Variants in SLC35D4 observed in about 807,000 individuals in gnomAD.
The protein encoded by SLC35D4 is UDP-N-acetylglucosamine transporter SLC35D4.
the SLC35D4 span, among the ~76,000 whole-genome samples, chr18:23,260,918 A>G: frequency 3.3e-5 from 5 of 152,142 alleles, no homozygotes; most frequent in Non-Finnish European, 4.4e-5. Context: ...AAGAAGAAAA[A>G]TGGCAGGTGA....
At chr18:23,253,944 G>A in the SLC35D4 span, 41 of 1,613,416 alleles carry the variant, frequency 2.5e-5, no homozygotes, top group Non-Finnish European at 3.4e-5. Context: ...GACGTAAGTA[G>A]CCTTTTTCCT....
At chr18:23,359,532 G>A in the SLC35D4 span, among the ~76,000 whole-genome samples, 1 of 152,144 alleles carries the variant, frequency 6.6e-6, no homozygotes, top group Non-Finnish European at 1.5e-5. Context: ...TCTTTCTAAA[G>A]ATTACAAAGC....
chr18:23,282,730 TGAGAGGGAGGGCTGGTTTTG>T, the SLC35D4 span, among the ~76,000 whole-genome samples: 3 of 150,672 alleles, frequency 2.0e-5, no homozygotes, highest in Non-Finnish European at 4.4e-5. Flanking sequence ...CATGGGGAGG[TGAGAGGGAGGGCTGGTTTTG>T]GAAGCCGCTT....
At chr18:23,390,643 G>C in the SLC35D4 span, among the ~76,000 whole-genome samples, 5 of 152,102 alleles carry the variant, frequency 3.3e-5, 1 homozygote, top group Non-Finnish European at 1.5e-5. Flanking sequence ...TCAGGTGTTG[G>C]AACTAACTTA....
chr18:23,298,001 T>C, the SLC35D4 span: 1 of 1,613,196 alleles, frequency 6.2e-7, no homozygotes, highest in South Asian at 1.1e-5. Flanking sequence ...CTCTTGACCG[T>C]CTTGTTCAGG....
At chr18:23,305,495 T>C in the SLC35D4 span, among the ~76,000 whole-genome samples, 96 of 152,340 alleles carry the variant, frequency 6.3e-4, 1 homozygote, top group African/African-American at 2.1e-3. Context: ...TCTCTGGACC[T>C]CAGCTTCTTC....
chr18:23,407,262 T>C, the SLC35D4 span, among the ~76,000 whole-genome samples: 248 of 152,196 alleles, frequency 1.6e-3, 3 homozygotes, highest in Non-Finnish European at 3.1e-3. Context: ...TTGGGAGCAG[T>C]GCATGGCACA....
chr18:23,305,639 G>A, the SLC35D4 span, among the ~76,000 whole-genome samples: 2 of 152,216 alleles, frequency 1.3e-5, no homozygotes, highest in Non-Finnish European at 2.9e-5. Context: ...AGACATAGCA[G>A]GAGGAGGAAG....
At chr18:23,266,230 G>T in the SLC35D4 span, among the ~76,000 whole-genome samples, 7 of 152,262 alleles carry the variant, frequency 4.6e-5, no homozygotes, top group South Asian at 1.4e-3. Flanking sequence ...TAGGCAGACC[G>T]TGCGGCCTTA....
chr18:23,426,912 T>C, the SLC35D4 span, among the ~76,000 whole-genome samples: 1 of 152,126 alleles, frequency 6.6e-6, no homozygotes, highest in African/African-American at 2.4e-5. Context: ...AAACAAGAAA[T>C]GGGGAAAGGA....
the SLC35D4 span, among the ~76,000 whole-genome samples, chr18:23,336,605 GT>G: frequency 0.011 from 1,650 of 152,256 alleles, 26 homozygotes; most frequent in African/African-American, 0.038. Context: ...ACATATGAAG[GT>G]GTTGAATAAC....
At chr18:23,302,380 C>T in the SLC35D4 span, among the ~76,000 whole-genome samples, 11 of 152,168 alleles carry the variant, frequency 7.2e-5, no homozygotes, top group African/African-American at 2.2e-4. Context: ...TTGGCAATGT[C>T]GGGGATGTTT....
At chr18:23,246,923 C>A in the SLC35D4 span, among the ~76,000 whole-genome samples, 3 of 152,214 alleles carry the variant, frequency 2.0e-5, no homozygotes, top group Admixed American at 6.5e-5. Flanking sequence ...GAACTCCTGA[C>A]CTCAAGTGAT....
At chr18:23,284,080 T>C in the SLC35D4 span, among the ~76,000 whole-genome samples, 2 of 152,206 alleles carry the variant, frequency 1.3e-5, no homozygotes, top group Non-Finnish European at 2.9e-5. Flanking sequence ...AGCATGCTAA[T>C]GTATTATAAT....
At chr18:23,350,854 T>C in the SLC35D4 span, among the ~76,000 whole-genome samples, 7 of 152,170 alleles carry the variant, frequency 4.6e-5, no homozygotes, top group Admixed American at 2.6e-4. Context: ...GGAGTGATGA[T>C]AGGCAAGAAC....
the SLC35D4 span, chr18:23,385,182 T>C: frequency 2.2e-6 from 2 of 895,092 alleles, no homozygotes; most frequent in Non-Finnish European, 3.4e-6. Flanking sequence ...CATCCACATA[T>C]ATAATCACTC....
the SLC35D4 span, among the ~76,000 whole-genome samples, chr18:23,312,847 A>G: frequency 6.6e-6 from 1 of 152,124 alleles, no homozygotes; most frequent in South Asian, 2.1e-4. Flanking sequence ...ACCTGAGCCA[A>G]CCGGGCGCGG....
chr18:23,343,011 C>A, the SLC35D4 span, among the ~76,000 whole-genome samples: 2 of 152,116 alleles, frequency 1.3e-5, no homozygotes, highest in African/African-American at 4.8e-5. Flanking sequence ...CAACCTCCAC[C>A]TCCTGGGTTC....
chr18:23,363,619 C>T, the SLC35D4 span, among the ~76,000 whole-genome samples: 1 of 152,162 alleles, frequency 6.6e-6, no homozygotes, highest in Non-Finnish European at 1.5e-5. Flanking sequence ...CGTGATCCAC[C>T]CGCCTCAGCC....
Sources: gnomAD v4.1 joint callset for allele counts (sites outside exome capture counted in the v4.1 genomes callset) on GRCh38, gnomAD v4.1.1 for gene constraint, MANE v1.5 for transcripts, NCBI Gene and HGNC (gene_info 2026-07-23, HGNC 2026-07-21) for gene names.